DOCK2: variants seen among roughly 807,000 people sequenced by gnomAD.
DOCK2 encodes the protein dedicator of cytokinesis 2.
Under a neutral mutation model 248.9 loss-of-function variants are expected in DOCK2, and 87 were observed. That is an observed-to-expected ratio of 0.35 (90% CI 0.29 to 0.42). DOCK2 has a LOEUF of 0.42. Ranked by LOEUF, DOCK2 falls within the 10% of genes least tolerant of loss-of-function variation. The probability of loss-of-function intolerance (pLI) is 1.00; values close to 1 mark genes in which losing one functional copy is unlikely to be tolerated. For missense variants in DOCK2, 1,747 were observed against 2,300.2 expected (o/e 0.76, Z 4.92); for synonymous variants, 805 against 821.6 (o/e 0.98, Z 0.35).
chr5:169,732,266 C>T (rs997578338), intron 22 of DOCK2, among the ~76,000 whole-genome samples: 3 of 152,146 alleles, frequency 2.0e-5, no homozygotes, highest in African/African-American at 7.2e-5. Context: ...CACTTTTCTT[C>T]CCTTGGCTCA....
Position 170,018,953 on chromosome 5 carries a change from C to G in DOCK2, c.3233-7C>G. 1 of 1,613,746 alleles carries G rather than the reference C, an allele frequency of 6.2e-7. No homozygotes were observed. Among genetic ancestry groups the G allele is most frequent in the African/African-American group, 1.3e-5 (1 of 75,008 alleles). Reference sequence around the variant, plus strand: ...TTTTATGTGTTCATGTTCCTCTTCTCTTTCAGGTCAGAACAAAATCTGCTT... The same window carrying G: ...TTTTATGTGTTCATGTTCCTCTTCTGTTTCAGGTCAGAACAAAATCTGCTT... On this transcript the variant is annotated splice_polypyrimidine_tract_variant and splice_region_variant and intron_variant, in intron 32 of 51. Transcript: ENST00000520908.
intron 25 of DOCK2, among the ~76,000 whole-genome samples, chr5:169,794,364 G>T (rs567940083): frequency 4.7e-4 from 72 of 152,198 alleles, no homozygotes; most frequent in African/African-American, 1.7e-3. Context: ...CAAACTTCAT[G>T]TTAGAGTTTG....
At chr5:170,020,543 CTT>C (rs1755685218) in intron 33 of DOCK2, among the ~76,000 whole-genome samples, 2 of 152,166 alleles carry the variant, frequency 1.3e-5, no homozygotes, top group South Asian at 4.1e-4. Context: ...TTCATGCAGT[CTT>C]TTTAAACTAC....
chr5:169,703,935 C>G (rs1282885867), intron 14 of DOCK2: 1 of 152,144 alleles, frequency 6.6e-6, no homozygotes, highest in East Asian at 1.9e-4. Context: ...TTCCATGTTG[C>G]CAAAGGACAA....
intron 27 of DOCK2, among the ~76,000 whole-genome samples, chr5:169,929,429 G>A (rs1165865638): frequency 3.3e-5 from 5 of 152,132 alleles, no homozygotes; most frequent in African/African-American, 1.2e-4. Context: ...CATGGGATGA[G>A]ATAAGATGGT....
At chr5:169,675,796 T>G (rs560200711) in intron 6 of DOCK2, among the ~76,000 whole-genome samples, 1 of 152,296 alleles carries the variant, frequency 6.6e-6, no homozygotes, top group Non-Finnish European at 1.5e-5. Flanking sequence ...CCAGGCTTTC[T>G]TGCCCTGACA....
At chr5:170,057,438 G>A (rs1408230167) in intron 43 of DOCK2, 142 bp from the exon 44 acceptor site, 2 of 725,182 alleles carry the variant, frequency 2.8e-6, no homozygotes, top group Admixed American at 4.0e-5. Flanking sequence ...CGTGTTTCTG[G>A]GTCTTGCAAT....
chr5:169,722,756 G>A (rs565554234), intron 22 of DOCK2, among the ~76,000 whole-genome samples: 2 of 152,184 alleles, frequency 1.3e-5, no homozygotes, highest in Middle Eastern at 3.4e-3. Context: ...AAACAGCAAG[G>A]GTGCTTTTTT....
chr5:170,038,533 C>G (rs1247462496), intron 36 of DOCK2, among the ~76,000 whole-genome samples: 1 of 152,186 alleles, frequency 6.6e-6, no homozygotes, highest in African/African-American at 2.4e-5. Flanking sequence ...GAAGGTGTGA[C>G]AACACTGGGC....
chr5:169,735,951 GGAGAGAGAGAGAGA>G (rs144466698), intron 22 of DOCK2, among the ~76,000 whole-genome samples: 1 of 146,730 alleles, frequency 6.8e-6, no homozygotes, highest in Non-Finnish European at 1.5e-5. Flanking sequence ...GGGGGGAGAG[GGAGAGAGAGAGAGA>G]GAGAGAGGGA....
intron 50 of DOCK2, 61 bp downstream of exon 50, chr5:170,080,344 G>A (rs1230792641): frequency 1.3e-5 from 21 of 1,601,660 alleles, no homozygotes; most frequent in Non-Finnish European, 1.5e-5. Flanking sequence ...CCAGCCTTGT[G>A]GGTGGAGGAT....
At chr5:170,076,360 C>CA (rs1330726661) in intron 47 of DOCK2, among the ~76,000 whole-genome samples, 1 of 152,218 alleles carries the variant, frequency 6.6e-6, no homozygotes, top group East Asian at 1.9e-4. Flanking sequence ...ACTGATGCAG[C>CA]ATCTACTATG....
At chr5:169,967,259 G>A (rs1052737522) in intron 27 of DOCK2, among the ~76,000 whole-genome samples, 2 of 152,240 alleles carry the variant, frequency 1.3e-5, no homozygotes, top group African/African-American at 4.8e-5. Context: ...GAGAATCCCA[G>A]AAGCCTTTCC....
intron 26 of DOCK2, among the ~76,000 whole-genome samples, chr5:169,809,472 T>C (rs9885351): frequency 0.034 from 5,228 of 152,284 alleles, 210 homozygotes; most frequent in African/African-American, 0.09. Flanking sequence ...CTCAATTCCA[T>C]TCCCACTTCC....
chr5:169,749,890 G>A (rs1284971350), intron 23 of DOCK2, among the ~76,000 whole-genome samples: 2 of 152,190 alleles, frequency 1.3e-5, no homozygotes, highest in East Asian at 1.9e-4. Flanking sequence ...AGGAGCAGGG[G>A]ACAGCATGAG....
chr5:169,648,568 G>GTGCA (rs1757614173), intron 1 of DOCK2, among the ~76,000 whole-genome samples: 1 of 152,304 alleles, frequency 6.6e-6, no homozygotes, highest in South Asian at 2.1e-4. Flanking sequence ...TGTGAGTGTG[G>GTGCA]TGCATGGCTG....
At chr5:169,940,962 C>T (rs1776219709) in intron 27 of DOCK2, among the ~76,000 whole-genome samples, 1 of 152,152 alleles carries the variant, frequency 6.6e-6, no homozygotes, top group Non-Finnish European at 1.5e-5. Context: ...AGTGCCATGG[C>T]TGAGAGACCC....
chr5:169,886,814 A>G (rs1335446310), intron 27 of DOCK2, among the ~76,000 whole-genome samples: 1 of 152,168 alleles, frequency 6.6e-6, no homozygotes, highest in East Asian at 1.9e-4. Flanking sequence ...ACTGCTCATT[A>G]GCACTTCATT....
At chr5:169,959,735 C>A (rs1474075950) in intron 27 of DOCK2, among the ~76,000 whole-genome samples, 4 of 152,156 alleles carry the variant, frequency 2.6e-5, no homozygotes, top group Non-Finnish European at 5.9e-5. Context: ...CTAACAGGTG[C>A]CATCCTAGTT....
Sources: allele counts gnomAD v4.1 joint callset (sites outside exome capture counted in the v4.1 genomes callset), GRCh38; gene constraint gnomAD v4.1.1; transcripts MANE v1.5; gene names NCBI Gene and HGNC (gene_info 2026-07-23, HGNC 2026-07-21).